Variants in CPNE4 observed in about 807,000 individuals in gnomAD.
CPNE4 encodes copine-4.
In CPNE4, 25 loss-of-function variants were observed where a neutral mutation model predicts 67.9. That is an observed-to-expected ratio of 0.37 (90% CI 0.27 to 0.51). The LOEUF (loss-of-function observed/expected upper bound fraction) is 0.51. CPNE4 is among the 20% of genes least tolerant of loss of function. The probability of loss-of-function intolerance (pLI) is 0.93; values close to 1 mark genes in which losing one functional copy is unlikely to be tolerated. For missense variants in CPNE4, 464 were observed against 690.8 expected, an observed-to-expected ratio of 0.67 and a Z score of 3.68; for synonymous variants, 242 against 244.9, an observed-to-expected ratio of 0.99 and a Z score of 0.11.
intron 1 of CPNE4, among the ~76,000 whole-genome samples, chr3:132,032,589 G>A: frequency 6.6e-6 from 1 of 152,166 alleles, no homozygotes; most frequent in East Asian, 1.9e-4. Flanking sequence ...TTATTAGTAT[G>A]CACTATTAAC....
chr3:131,845,281 T>G (rs1381023918), intron 2 of CPNE4, among the ~76,000 whole-genome samples: 2 of 152,200 alleles, frequency 1.3e-5, no homozygotes, highest in Non-Finnish European at 2.9e-5. Flanking sequence ...TTCAAATATA[T>G]TATCTCACTT....
At chr3:131,947,227 CT>C (rs71710373) in intron 1 of CPNE4, among the ~76,000 whole-genome samples, 1 of 151,894 alleles carries the variant, frequency 6.6e-6, no homozygotes, top group Non-Finnish European at 1.5e-5. Flanking sequence ...TTGTTTTCCC[CT>C]TTTTTTATTT....
chr3:131,667,747 G>A lies in CPNE4; in HGVS notation c.681+1928C>T, dbSNP rs573750286. ...CCTACTTATTTCTCTACAGGCAGCA[G>A]AGCACTCAGAAAGCCACAAAGTGTT... On this transcript the variant is annotated intron_variant, in intron 7 of 15. Transcript: ENST00000429747. Among the ~76,000 whole-genome samples the A allele has an allele frequency of 3.6e-4, 54 of 151,946 alleles. 1 individual carries two copies. In the South Asian group the frequency reaches 0.011, roughly 31 times the overall value.
intron 10 of CPNE4, among the ~76,000 whole-genome samples, chr3:131,573,778 C>G (rs543776079): frequency 6.6e-6 from 1 of 152,164 alleles, no homozygotes; most frequent in South Asian, 2.1e-4. Flanking sequence ...GTATCCTCAG[C>G]GAACATGCTT....
chr3:131,885,772 T>C (rs1396610677), intron 2 of CPNE4, among the ~76,000 whole-genome samples: 2 of 152,060 alleles, frequency 1.3e-5, no homozygotes, highest in Non-Finnish European at 1.5e-5. Context: ...TTCCTACCTA[T>C]GAGTGAGAAT....
chr3:131,859,166 A>C (rs1016164261), intron 2 of CPNE4, among the ~76,000 whole-genome samples: 4 of 152,174 alleles, frequency 2.6e-5, no homozygotes, highest in African/African-American at 9.7e-5. Flanking sequence ...AAGTCCATGC[A>C]CTGCAGTCTG....
intron 2 of CPNE4, among the ~76,000 whole-genome samples, chr3:131,821,297 G>C (rs1363842625): frequency 6.6e-6 from 1 of 152,206 alleles, no homozygotes; most frequent in Non-Finnish European, 1.5e-5. Flanking sequence ...AAGGACATTT[G>C]TTAGAGAATA....
At chr3:131,982,278 T>G (rs1230051135) in intron 1 of CPNE4, among the ~76,000 whole-genome samples, 2 of 152,212 alleles carry the variant, frequency 1.3e-5, no homozygotes, top group East Asian at 3.8e-4. Flanking sequence ...TTAAAAAATT[T>G]ATGTATATAA....
chr3:131,976,317 G>A (rs1025131030), intron 1 of CPNE4, among the ~76,000 whole-genome samples: 2 of 151,690 alleles, frequency 1.3e-5, no homozygotes, highest in Non-Finnish European at 2.9e-5. Context: ...AAATAAGTTT[G>A]CTTCATATAA....
At chr3:131,970,462 C>G (rs1350639196) in intron 1 of CPNE4, among the ~76,000 whole-genome samples, 2 of 152,044 alleles carry the variant, frequency 1.3e-5, no homozygotes, top group Non-Finnish European at 2.9e-5. Context: ...GCATTTTTTT[C>G]TTAGAAATTG....
chr3:131,721,624 T>C (rs566190001), intron 3 of CPNE4, among the ~76,000 whole-genome samples: 15 of 152,162 alleles, frequency 9.9e-5, no homozygotes, highest in Non-Finnish European at 2.1e-4. Context: ...CTCGATCTCC[T>C]GGCCTCGTGA....
chr3:131,694,679 G>C (rs1485662143), intron 5 of CPNE4, among the ~76,000 whole-genome samples: 1 of 152,144 alleles, frequency 6.6e-6, no homozygotes, highest in Non-Finnish European at 1.5e-5. Context: ...AAGGAAGTGT[G>C]ACTACCCCAG....
chr3:131,880,984 G>A (rs757133277), intron 2 of CPNE4, among the ~76,000 whole-genome samples: 1 of 152,204 alleles, frequency 6.6e-6, no homozygotes, highest in Non-Finnish European at 1.5e-5. Context: ...AGCTGACTTA[G>A]TGCTATCAGC....
intron 6 of CPNE4, among the ~76,000 whole-genome samples, chr3:131,678,306 A>T (rs2080640384): frequency 6.6e-6 from 1 of 152,028 alleles, no homozygotes; most frequent in African/African-American, 2.4e-5. Context: ...CCTTTACTGA[A>T]GTTGTTTATT....
At chr3:132,026,658 AT>A (rs1203402366) in intron 1 of CPNE4, among the ~76,000 whole-genome samples, 1 of 152,120 alleles carries the variant, frequency 6.6e-6, no homozygotes, top group African/African-American at 2.4e-5. Context: ...AAATAATTTT[AT>A]TTTTCTGCAA....
chr3:131,707,792 A>G (rs1021018790), intron 3 of CPNE4, among the ~76,000 whole-genome samples: 1 of 152,074 alleles, frequency 6.6e-6, no homozygotes, highest in Non-Finnish European at 1.5e-5. Context: ...AACCACTACA[A>G]GGGCCACTGA....
At chr3:131,731,890 A>G (rs2082136196) in intron 2 of CPNE4, among the ~76,000 whole-genome samples, 1 of 152,204 alleles carries the variant, frequency 6.6e-6, no homozygotes, top group Non-Finnish European at 1.5e-5. Flanking sequence ...GGTGATGTCA[A>G]CATATATACT....
At chr3:131,798,877 T>C (rs560280912) in intron 2 of CPNE4, among the ~76,000 whole-genome samples, 2 of 152,250 alleles carry the variant, frequency 1.3e-5, no homozygotes, top group East Asian at 3.9e-4. Context: ...AAGTGATTAC[T>C]TGGAAGCTTT....
At chr3:131,690,113 G>T (rs2080998591) in intron 5 of CPNE4, among the ~76,000 whole-genome samples, 2 of 152,062 alleles carry the variant, frequency 1.3e-5, no homozygotes, top group Non-Finnish European at 2.9e-5. Context: ...TGGCCATACT[G>T]CCAAAAGCAA....
Sources: allele counts gnomAD v4.1 joint callset (sites outside exome capture counted in the v4.1 genomes callset), GRCh38; gene constraint gnomAD v4.1.1; transcripts MANE v1.5; gene names NCBI Gene and HGNC (gene_info 2026-07-23, HGNC 2026-07-21).